The following SRRM4 variants were observed in gnomAD, a reference collection of about 807,000 sequenced individuals.
SRRM4 encodes the protein serine/arginine repetitive matrix 4, also known as serine/arginine repetitive matrix protein 4.
SRRM4 carries 33 observed loss-of-function variants against 68.9 expected under a neutral mutation model. The ratio of observed to expected loss-of-function variants is 0.48; its 90% confidence interval spans 0.36 to 0.64. SRRM4 has a LOEUF of 0.64. SRRM4 is among the 30% of genes least tolerant of loss of function. SRRM4 has a pLI of 0.00. For missense variants in SRRM4, 817 were observed against 827.1 expected, an observed-to-expected ratio of 0.99 and a Z score of 0.15; for synonymous variants, 318 against 318.8, an observed-to-expected ratio of 1.00 and a Z score of 0.03.
intron 7 of SRRM4, among the ~76,000 whole-genome samples, chr12:119,127,107 C>T (rs1249486565): frequency 6.7e-6 from 1 of 148,270 alleles, no homozygotes; most frequent in Non-Finnish European, 1.5e-5. Context: ...ATACCTAATG[C>T]TAGATGATGA....
intron 1 of SRRM4, among the ~76,000 whole-genome samples, chr12:119,098,315 A>G (rs1453155661): frequency 6.6e-6 from 1 of 152,256 alleles, no homozygotes; most frequent in South Asian, 2.1e-4. Flanking sequence ...GAGGTTGAAC[A>G]GAGAAGACAT....
intron 1 of SRRM4, among the ~76,000 whole-genome samples, chr12:119,052,030 T>C (rs1358578606): frequency 6.6e-6 from 1 of 152,238 alleles, no homozygotes; most frequent in African/African-American, 2.4e-5. Context: ...TGTTCCATTT[T>C]AGAGCTTGGC....
intron 2 of SRRM4, among the ~76,000 whole-genome samples, chr12:119,103,077 C>T (rs4767779): frequency 0.038 from 5,733 of 151,756 alleles, 182 homozygotes; most frequent in East Asian, 0.097. Flanking sequence ...CCTATGGATG[C>T]TACTGAAAAA....
At chr12:119,099,185 A>G (rs1319854089) in intron 1 of SRRM4, among the ~76,000 whole-genome samples, 6 of 152,142 alleles carry the variant, frequency 3.9e-5, no homozygotes, top group African/African-American at 1.4e-4. Context: ...CACAGGCTGG[A>G]GTGCAGTGGC....
chr12:119,084,564 C>G (rs1032693960), intron 1 of SRRM4, among the ~76,000 whole-genome samples: 2 of 152,318 alleles, frequency 1.3e-5, no homozygotes, highest in African/African-American at 4.8e-5. Flanking sequence ...TAGTTAACCT[C>G]TCCCTTGCTG....
At chr12:119,127,487 G>C (rs11609648) in intron 7 of SRRM4, among the ~76,000 whole-genome samples, 15,265 of 152,112 alleles carry the variant, frequency 0.1, 841 homozygotes, top group Middle Eastern at 0.16. Flanking sequence ...TAGCACTTTG[G>C]GGGGCCGAGG....
intron 2 of SRRM4, among the ~76,000 whole-genome samples, chr12:119,102,938 C>T (rs2136042524): frequency 6.6e-6 from 1 of 152,306 alleles, no homozygotes; most frequent in Non-Finnish European, 1.5e-5. Context: ...ACTGTATACT[C>T]AGCATTTTAC....
At chr12:119,084,299 A>C (rs981444930) in intron 1 of SRRM4, among the ~76,000 whole-genome samples, 1 of 152,166 alleles carries the variant, frequency 6.6e-6, no homozygotes, top group Admixed American at 6.5e-5. Flanking sequence ...GGAACTGAGG[A>C]GCTACCTCTT....
chr12:119,017,798 A>T (rs1447252077), intron 1 of SRRM4, among the ~76,000 whole-genome samples: 1 of 152,046 alleles, frequency 6.6e-6, no homozygotes. Context: ...ACCACAGTGA[A>T]CTCATTCTGC....
intron 1 of SRRM4, among the ~76,000 whole-genome samples, chr12:119,045,331 G>A (rs946042204): frequency 1.5e-5 from 2 of 137,794 alleles, no homozygotes; most frequent in Non-Finnish European, 3.0e-5. Context: ...CACATGTCTT[G>A]TTCCTTCTGA....
In SRRM4 at chr12:119,130,781, C is replaced by T. The variant is rs113443008; in HGVS notation, c.718C>T (p.Arg240Cys). Reference sequence around the variant, plus strand: ...GGACAGCCCTGAGGCCCAGTCCAGTCGCCCGCCCAGTCAACCCCTCCAGAT... The same window carrying T: ...GGACAGCCCTGAGGCCCAGTCCAGTTGCCCGCCCAGTCAACCCCTCCAGAT... Reference protein sequence around the residue: ...CKDSPEAQSSRPPSQPLQMLG... With the variant: ...CKDSPEAQSSCPPSQPLQMLG... Residue 240 changes from arginine to cysteine, a missense_variant, in exon 8 of 13, where the codon CGC becomes TGC. By Grantham distance (180) the Arg-to-Cys change is radical (BLOSUM62 -3). Transcript: ENST00000267260. 6,399 of 1,609,392 alleles carry T rather than the reference C, an allele frequency of 4.0e-3. 211 individuals are homozygous for T. The African/African-American group carries it at 0.074, about 19-fold the overall frequency.
chr12:119,011,493 G>A (rs12578696), intron 1 of SRRM4, among the ~76,000 whole-genome samples: 22,034 of 152,152 alleles, frequency 0.14, 1,682 homozygotes, highest in East Asian at 0.26. Flanking sequence ...GTTGCCACTG[G>A]TTGAGAATCA....
intron 8 of SRRM4, among the ~76,000 whole-genome samples, chr12:119,136,782 G>A (rs138498803): frequency 1.3e-5 from 2 of 152,114 alleles, no homozygotes; most frequent in Non-Finnish European, 2.9e-5. Context: ...CTCAGGAGAG[G>A]CTTCAAAGAA....
intron 1 of SRRM4, among the ~76,000 whole-genome samples, chr12:119,040,313 C>G (rs931305547): frequency 1.3e-5 from 2 of 152,138 alleles, no homozygotes; most frequent in Non-Finnish European, 2.9e-5. Context: ...GCAGTATACA[C>G]TGCACCATAT....
rs1295378500 is a variant in SRRM4 at position 119,162,377 on chromosome 12, T to C, written c.*5579T>C. On this transcript the variant is annotated 3_prime_UTR_variant, in exon 13 of 13. Transcript: ENST00000267260. The stretch of plus-strand genomic sequence containing the variant: ...TCTCTCTAAGCCCCGTGGTCCAAAG[T>C]CATCACGGGAGAGACCAAGATGGGC... 6.6e-6 allele frequency: 1 copy of C among 152,202 alleles called. No individual in the cohort carries two copies. Among genetic ancestry groups the C allele is most frequent in the East Asian group, 1.9e-4 (1 of 5,192 alleles). The allele number at this position is 152,202 out of a possible 1,614,324, so 9.4% of individuals were successfully genotyped here. A position where few individuals can be genotyped will look rare whatever the true frequency, so the allele number is the denominator to read the frequency against.
At chr12:119,125,519 C>A (rs760377344) in intron 7 of SRRM4, 40 bp downstream of exon 7, 2 of 1,573,478 alleles carry the variant, frequency 1.3e-6, no homozygotes, top group Non-Finnish European at 1.7e-6. Context: ...TCAGCCACAG[C>A]CGAGCCCAGG....
intron 1 of SRRM4, among the ~76,000 whole-genome samples, chr12:119,085,907 C>T (rs1236549140): frequency 3.9e-5 from 6 of 151,940 alleles, no homozygotes; most frequent in Non-Finnish European, 2.9e-5. Flanking sequence ...AGTAGGAAGC[C>T]GGTAGAGCTA....
chr12:119,065,548 A>G (rs1953840439), intron 1 of SRRM4, among the ~76,000 whole-genome samples: 1 of 152,168 alleles, frequency 6.6e-6, no homozygotes, highest in South Asian at 2.1e-4. Context: ...CAGCCTGGCC[A>G]ACATAGTGAA....
chr12:119,114,063 G>T, intron 2 of SRRM4: 3 of 419,822 alleles, frequency 7.1e-6, no homozygotes, highest in Non-Finnish European at 1.3e-5. Flanking sequence ...TGGTGTTTGG[G>T]TAACGTACAA....
Sources: gnomAD v4.1 joint callset for allele counts (sites outside exome capture counted in the v4.1 genomes callset) on GRCh38, gnomAD v4.1.1 for gene constraint, MANE v1.5 for transcripts, NCBI Gene and HGNC (gene_info 2026-07-23, HGNC 2026-07-21) for gene names.